The following UBAP1 variants were observed in gnomAD, a reference collection of about 807,000 sequenced individuals.
UBAP1 encodes the protein ubiquitin-associated protein 1.
UBAP1 carries 5 observed loss-of-function variants against 39.0 expected under a neutral mutation model. That is an observed-to-expected ratio of 0.13 (90% CI 0.07 to 0.27). The LOEUF is 0.27. Among genes scored for constraint, UBAP1 ranks in the 10% least tolerant of loss-of-function variants. The probability of loss-of-function intolerance (pLI) is 1.00; values close to 1 mark genes in which losing one functional copy is unlikely to be tolerated. For synonymous variants in UBAP1, 211 were observed against 225.1 expected, an observed-to-expected ratio of 0.94 and a Z score of 0.56; for missense variants, 490 against 608.1, an observed-to-expected ratio of 0.81 and a Z score of 2.04.
At chr9:34,214,790 AAAAC>A (rs1019457752) in intron 1 of UBAP1, among the ~76,000 whole-genome samples, 5 of 152,114 alleles carry the variant, frequency 3.3e-5, no homozygotes, top group Admixed American at 6.6e-5. Context: ...CAGTAAGAAA[AAAAC>A]AATCCCATCA....
rs991350332 is a variant in UBAP1, at chr9:34,179,044, G to A, written c.-204G>A. On this transcript the variant is annotated 5_prime_UTR_variant, in exon 1 of 7. Transcript: ENST00000297661. The stretch of plus-strand genomic sequence containing the variant: ...GTGGGGCGGTGAGGGGAAGGAGGAG[G>A]GAAGTAGGACTTCAACATGGCGGCT... 3 of 1,264,546 alleles carry A rather than the reference G, an allele frequency of 2.4e-6. No homozygotes were observed. The highest frequency in any genetic ancestry group is 3.0e-6 in the Non-Finnish European group (3 of 1,002,510). The allele number at this position is 1,264,546 out of a possible 1,614,324, so 78.3% of individuals were successfully genotyped here.
intron 1 of UBAP1, among the ~76,000 whole-genome samples, chr9:34,204,468 A>AT (rs531410200): frequency 1.3e-3 from 190 of 147,786 alleles, no homozygotes; most frequent in South Asian, 2.1e-3. Context: ...GTCCACACCC[A>AT]TTTTTTTTTT....
At chr9:34,212,197 T>G (rs1321998404) in intron 1 of UBAP1, among the ~76,000 whole-genome samples, 1 of 152,172 alleles carries the variant, frequency 6.6e-6, no homozygotes, top group Non-Finnish European at 1.5e-5. Flanking sequence ...TCTTTCAGTC[T>G]TGTTTTGTGC....
At chr9:34,203,372 C>G (rs576591470) in intron 1 of UBAP1, among the ~76,000 whole-genome samples, 4 of 152,114 alleles carry the variant, frequency 2.6e-5, no homozygotes, top group Non-Finnish European at 5.9e-5. Context: ...TTTCTCTTTT[C>G]TCTGTCAGTT....
chr9:34,229,938 G>A (rs1214251112), intron 2 of UBAP1, among the ~76,000 whole-genome samples: 1 of 152,060 alleles, frequency 6.6e-6, no homozygotes, highest in Non-Finnish European at 1.5e-5. Context: ...GCCTCCCAAA[G>A]TGTTGGGATT....
intron 2 of UBAP1, among the ~76,000 whole-genome samples, chr9:34,231,730 C>T (rs1417818999): frequency 2.0e-5 from 3 of 151,838 alleles, no homozygotes; most frequent in Admixed American, 6.6e-5. Flanking sequence ...CTGCAAGCTC[C>T]GCCTCCCGGG....
intron 1 of UBAP1, among the ~76,000 whole-genome samples, chr9:34,188,739 C>G (rs939783930): frequency 2.0e-5 from 3 of 151,942 alleles, no homozygotes; most frequent in East Asian, 1.9e-4. Flanking sequence ...TGTGGATCAC[C>G]TGAGGTCAGG....
chr9:34,195,168 A>G (rs544151783), intron 1 of UBAP1, among the ~76,000 whole-genome samples: 3 of 149,470 alleles, frequency 2.0e-5, no homozygotes, highest in Admixed American at 1.3e-4. Context: ...ACAGTGTCTT[A>G]TAAGAAGTTT....
intron 1 of UBAP1, among the ~76,000 whole-genome samples, chr9:34,180,895 C>CCGCCTCCTGGGTT (rs1052368134): frequency 5.3e-5 from 8 of 151,452 alleles, no homozygotes; most frequent in African/African-American, 1.9e-4. Flanking sequence ...GCTGCAACCT[C>CCGCCTCCTGGGTT]CGCCTCCTGG....
In UBAP1 at chr9:34,252,093, G is replaced by C. The variant is rs767756561; in HGVS notation, c.*561G>C. The C allele has an allele frequency of 6.5e-6, 1 of 152,718 alleles. No individual in the cohort carries two copies. The highest frequency in any genetic ancestry group is 2.4e-5 in the African/African-American group (1 of 41,428). 9.5% of individuals were successfully genotyped at this position (152,718 alleles called of 1,614,324 possible). ...GCAAAGAATGCACTTTTCCCTATGG[G>C]GCCCAGAGTTTGCCTTTTCTGCCAG... On this transcript the variant is annotated 3_prime_UTR_variant, in exon 7 of 7. Transcript: ENST00000297661.
intron 4 of UBAP1, among the ~76,000 whole-genome samples, chr9:34,243,650 C>T (rs1388920219): frequency 8.6e-5 from 13 of 152,018 alleles, no homozygotes; most frequent in African/African-American, 2.9e-4. Flanking sequence ...CTATCGTGCT[C>T]GGCTCATTTT....
chr9:34,184,965 G>A (rs1306080097), intron 1 of UBAP1, among the ~76,000 whole-genome samples: 5 of 115,192 alleles, frequency 4.3e-5, no homozygotes, highest in Admixed American at 1.1e-4. Flanking sequence ...ATGAAGTCTC[G>A]CTCTTATTCC....
At chr9:34,223,926 T>G in intron 2 of UBAP1, 1 of 289,452 alleles carries the variant, frequency 3.5e-6, no homozygotes, top group African/African-American at 2.2e-5. Flanking sequence ...TTTTTGGGTT[T>G]TTTTTGGGAA....
chr9:34,180,164 G>A (rs1475962426), intron 1 of UBAP1, among the ~76,000 whole-genome samples: 1 of 152,172 alleles, frequency 6.6e-6, no homozygotes, highest in Non-Finnish European at 1.5e-5. Context: ...GGAAAAACAA[G>A]ATACTTAGTC....
chr9:34,225,097 C>T (rs1385941537), intron 2 of UBAP1, among the ~76,000 whole-genome samples: 1 of 152,164 alleles, frequency 6.6e-6, no homozygotes, highest in Non-Finnish European at 1.5e-5. Flanking sequence ...TGGATTGGTC[C>T]TCCAAAGTTA....
At chr9:34,232,599 C>G (rs1225571550) in intron 2 of UBAP1, among the ~76,000 whole-genome samples, 1 of 152,014 alleles carries the variant, frequency 6.6e-6, no homozygotes, top group African/African-American at 2.4e-5. Context: ...GGGCATTCTT[C>G]CTAATGGAGA....
At chr9:34,185,467 T>C (rs1830354475) in intron 1 of UBAP1, among the ~76,000 whole-genome samples, 2 of 152,174 alleles carry the variant, frequency 1.3e-5, no homozygotes, top group Admixed American at 6.5e-5. Flanking sequence ...GAGGATCACC[T>C]GAGCTCAGGA....
chr9:34,208,585 G>A (rs1831842413), intron 1 of UBAP1, among the ~76,000 whole-genome samples: 1 of 152,168 alleles, frequency 6.6e-6, no homozygotes, highest in Middle Eastern at 3.4e-3. Flanking sequence ...AGACCATCCT[G>A]GTTAACACAG....
intron 1 of UBAP1, among the ~76,000 whole-genome samples, chr9:34,191,335 A>T (rs1222812855): frequency 6.6e-6 from 1 of 152,146 alleles, no homozygotes; most frequent in Admixed American, 6.6e-5. Flanking sequence ...GGCCTCAAGC[A>T]GTCTTCCCAC....
Sources: gnomAD v4.1 joint callset for allele counts (sites outside exome capture counted in the v4.1 genomes callset) on GRCh38, gnomAD v4.1.1 for gene constraint, MANE v1.5 for transcripts, NCBI Gene and HGNC (gene_info 2026-07-23, HGNC 2026-07-21) for gene names.